The following ZFHX3 variants were observed in gnomAD, a reference collection of about 807,000 sequenced individuals.
ZFHX3 encodes the protein zinc finger homeobox 3.
ZFHX3 carries 42 observed loss-of-function variants against 279.1 expected under a neutral mutation model. The ratio of observed to expected loss-of-function variants is 0.15; its 90% CI spans 0.12 to 0.19. The LOEUF is 0.19. Among genes scored for constraint, ZFHX3 ranks in the 10% least tolerant of loss-of-function variants. ZFHX3 has a pLI of 1.00. For missense variants in ZFHX3, 4,981 were observed against 4,754.0 expected (o/e 1.05, Z -1.40); for synonymous variants, 2,293 against 1,957.8 (o/e 1.17, Z -4.52).
chr16:72,886,707 GGT>G (rs1488960026), intron 4 of ZFHX3, among the ~76,000 whole-genome samples: 4 of 152,196 alleles, frequency 2.6e-5, no homozygotes, highest in African/African-American at 9.7e-5. Flanking sequence ...AACAGGTCTA[GGT>G]GTGTTGGTAG....
chr16:72,819,977 C>T (rs756805173), intron 5 of ZFHX3, among the ~76,000 whole-genome samples: 2 of 152,226 alleles, frequency 1.3e-5, no homozygotes, highest in Admixed American at 6.5e-5. Context: ...TTCCACCTTG[C>T]AGAAAGAGGA....
At chr16:73,883,613 G>A (rs1431319811) in intron 1 of ZFHX3, among the ~76,000 whole-genome samples, 1 of 151,922 alleles carries the variant, frequency 6.6e-6, no homozygotes, top group African/African-American at 2.4e-5. Context: ...CTGCCAGAAA[G>A]GCGCGGTAAA....
chr16:73,850,567 A>G (rs925535528), intron 1 of ZFHX3, among the ~76,000 whole-genome samples: 13 of 152,148 alleles, frequency 8.5e-5, no homozygotes, highest in African/African-American at 3.1e-4. Context: ...GTAAGTTAGA[A>G]TGTGCTTTCA....
intron 2 of ZFHX3, among the ~76,000 whole-genome samples, chr16:73,533,580 G>T (rs536333532): frequency 2.6e-5 from 4 of 151,930 alleles, no homozygotes; most frequent in Middle Eastern, 3.4e-3. Flanking sequence ...TAGCTCAGAC[G>T]TCCCTTCCAA....
chr16:73,520,722 C>T (rs1024331753), intron 2 of ZFHX3, among the ~76,000 whole-genome samples: 7 of 152,206 alleles, frequency 4.6e-5, no homozygotes, highest in South Asian at 2.1e-4. Context: ...GTGTTAAATG[C>T]AAATTTACAC....
Position 72,877,562 on chromosome 16 carries a change from G to A in ZFHX3, c.3448+12169C>T, listed in dbSNP as rs371761325. ...GAGCACAGTAAGTTTCTCATTCTTC[G>A]TGTCTGGTGTTTATGTTGTAGTAGA... On this transcript the variant is annotated intron_variant, in intron 4 of 9. Coordinates refer to ENST00000268489, the MANE Select transcript of ZFHX3 (RefSeq NM_006885.4). Among the ~76,000 whole-genome samples the A allele has an allele frequency of 1.1e-4, 17 of 152,246 alleles. 1 individual carries two copies. The highest frequency in any genetic ancestry group is 6.2e-4 in the South Asian group (3 of 4,830).
chr16:73,189,116 C>G (rs1967976548), intron 5 of ZFHX3, among the ~76,000 whole-genome samples: 2 of 152,210 alleles, frequency 1.3e-5, no homozygotes, highest in Non-Finnish European at 2.9e-5. Context: ...CCCAGTTCAG[C>G]CTCCCAAAGT....
At chr16:73,538,698 G>T (rs1043787724) in intron 2 of ZFHX3, among the ~76,000 whole-genome samples, 1 of 152,126 alleles carries the variant, frequency 6.6e-6, no homozygotes, top group South Asian at 2.1e-4. Flanking sequence ...TAATACAGCG[G>T]AGACATGAGA....
At chr16:72,806,517 C>T (rs988900152) in intron 7 of ZFHX3, among the ~76,000 whole-genome samples, 2 of 152,126 alleles carry the variant, frequency 1.3e-5, no homozygotes, top group African/African-American at 2.4e-5. Flanking sequence ...TCTCACAGGG[C>T]TTGGAATTAA....
At chr16:72,976,089 A>C (rs538892689) in intron 1 of ZFHX3, among the ~76,000 whole-genome samples, 4 of 152,220 alleles carry the variant, frequency 2.6e-5, no homozygotes, top group Non-Finnish European at 4.4e-5. Context: ...CTAGGATGAA[A>C]GAGGGGAAGC....
chr16:72,965,590 T>TAGTA lies in ZFHX3; in HGVS notation c.-49-5397_-49-5396insTACT, dbSNP rs1159834904. On this transcript the variant is annotated intron_variant, in intron 1 of 9. Coordinates refer to ENST00000268489, the MANE Select transcript of ZFHX3 (RefSeq NM_006885.4). The stretch of plus-strand genomic sequence containing the variant: ...TGTCAGTCAGATGCTACAGAATCCA[T>TAGTA]GCTAAAAGGTCTCGGCTTACATTCT... Among the ~76,000 whole-genome samples, 4 of 152,282 alleles carry TAGTA rather than the reference T, an allele frequency of 2.6e-5. No homozygotes were observed. The East Asian group carries it at 7.7e-4, about 29-fold the overall frequency.
At position 72,959,939 on chromosome 16, in the gene ZFHX3, C is replaced by T. The variant is rs775876072; in HGVS notation, c.207G>A (p.Gly69=). 1 of 1,595,456 alleles carries T rather than the reference C, an allele frequency of 6.3e-7. No homozygotes were observed. The highest frequency in any genetic ancestry group is 8.5e-7 in the Non-Finnish European group (1 of 1,171,146). ...ERLAESTASA[G]PPSEPASKEV... ...CCTTGCTGGCGGGCTCGGAGGGGGG[C>T]CCGGCCGACGCGGTGCTCTCCGCGA... The change falls in exon 2 of 10, where the codon GGG becomes GGA. Residue 69 remains glycine, a synonymous_variant. Transcript: ENST00000268489.
chr16:73,702,012 G>A (rs1254296854), intron 1 of ZFHX3, among the ~76,000 whole-genome samples: 2 of 152,120 alleles, frequency 1.3e-5, no homozygotes, highest in African/African-American at 4.8e-5. Flanking sequence ...TTTGTACTGT[G>A]TGAAATGCAT....
chr16:73,355,984 C>T (rs1200388143), intron 3 of ZFHX3, among the ~76,000 whole-genome samples: 2 of 152,166 alleles, frequency 1.3e-5, no homozygotes, highest in East Asian at 3.8e-4. Context: ...CCCACATTCA[C>T]GCTGCCTCTC....
chr16:73,315,804 G>A lies in ZFHX3; in HGVS notation c.-1194+2436C>T, dbSNP rs189088199. 5.6e-4 allele frequency among the ~76,000 whole-genome samples: 85 copies of A among 152,264 alleles called. 1 individual carries two copies. The highest frequency in any genetic ancestry group is 2.0e-3 in the African/African-American group (82 of 41,556). ...CACTCAAAGAATATTTCCCTATAAGGGTGTCATTGCCCACTCACTTCCCGT... is the reference window on the plus strand; with the variant it reads ...CACTCAAAGAATATTTCCCTATAAGAGTGTCATTGCCCACTCACTTCCCGT... On this transcript the variant is annotated intron_variant, in intron 4 of 17. Transcript: ENST00000641206.
At chr16:73,168,217 T>C (rs528959260) in intron 5 of ZFHX3, among the ~76,000 whole-genome samples, 2 of 108,602 alleles carry the variant, frequency 1.8e-5, no homozygotes, top group African/African-American at 4.5e-5. Context: ...TTTGTTTTCT[T>C]TCTTTCTTTC....
intron 2 of ZFHX3, among the ~76,000 whole-genome samples, chr16:73,468,805 G>A (rs1033940943): frequency 4.6e-5 from 7 of 152,194 alleles, no homozygotes; most frequent in Non-Finnish European, 7.3e-5. Flanking sequence ...AGTCAGGAGA[G>A]TGTCTCCCTA....
intron 1 of ZFHX3, among the ~76,000 whole-genome samples, chr16:73,035,159 A>G (rs1201257465): frequency 2.0e-5 from 3 of 146,614 alleles, no homozygotes; most frequent in African/African-American, 7.4e-5. Flanking sequence ...TGGTACAAAA[A>G]AAAGGGATGT....
rs117263920 is a variant in ZFHX3 at position 72,954,573 on chromosome 16, C to T, written c.2719+2854G>A. On this transcript the variant is annotated intron_variant, in intron 2 of 9. Coordinates refer to ENST00000268489, the MANE Select transcript of ZFHX3 (RefSeq NM_006885.4). ...GGCACACTCTGGAATGAAAGGGAGACGAAGGGAGCTGCTAAACCTTGTGCA... is the reference window on the plus strand; with the variant it reads ...GGCACACTCTGGAATGAAAGGGAGATGAAGGGAGCTGCTAAACCTTGTGCA... 1.7e-3 allele frequency among the ~76,000 whole-genome samples: 264 copies of T among 152,234 alleles called. 2 individuals are homozygous for T. The East Asian group carries it at 0.017, about 10-fold the overall frequency.
Sources: gnomAD v4.1 joint callset for allele counts (sites outside exome capture counted in the v4.1 genomes callset) on GRCh38, gnomAD v4.1.1 for gene constraint, MANE v1.5 for transcripts, NCBI Gene and HGNC (gene_info 2026-07-23, HGNC 2026-07-21) for gene names.